The following PRELID2 variants were observed in gnomAD, a reference collection of about 807,000 sequenced individuals.
PRELID2 encodes the protein PRELI domain-containing protein 2.
PRELID2 carries 25 observed loss-of-function variants against 28.4 expected under a neutral mutation model. The ratio of observed to expected loss-of-function variants is 0.88; its 90% confidence interval spans 0.64 to 1.23. PRELID2 has a LOEUF of 1.23. Among genes scored for constraint, PRELID2 ranks in the 50% most tolerant of loss-of-function variants. The probability of loss-of-function intolerance (pLI) is 0.00; values close to 1 mark genes in which losing one functional copy is unlikely to be tolerated. For missense variants in PRELID2, 201 were observed against 214.4 expected (o/e 0.94, Z 0.39); for synonymous variants, 76 against 71.6 (o/e 1.06, Z -0.31).
chr5:145,413,705 C>T, the PRELID2 span, among the ~76,000 whole-genome samples: 1 of 151,884 alleles, frequency 6.6e-6, no homozygotes, highest in Non-Finnish European at 1.5e-5. Flanking sequence ...TCCCCCACCC[C>T]CTTCCCTCAG....
chr5:145,279,828 G>C, the PRELID2 span, among the ~76,000 whole-genome samples: 1 of 142,126 alleles, frequency 7.0e-6, no homozygotes, highest in Non-Finnish European at 1.5e-5. Flanking sequence ...TTTAGTTTTT[G>C]AGAAAAAAAA....
chr5:145,694,351 G>A (rs1422736617), intron 1 of PRELID2, among the ~76,000 whole-genome samples: 1 of 151,982 alleles, frequency 6.6e-6, no homozygotes, highest in Non-Finnish European at 1.5e-5. Flanking sequence ...CAGTCTTTAT[G>A]TTTATTTTTC....
intron 1 of PRELID2, chr5:145,728,487 C>T (rs1756241032): frequency 4.4e-6 from 3 of 674,930 alleles, no homozygotes; most frequent in Admixed American, 2.1e-5. Context: ...GTGTTCTCCC[C>T]TCCCAAAGCA....
intron 1 of PRELID2, among the ~76,000 whole-genome samples, chr5:145,634,109 C>T (rs1427369369): frequency 1.3e-5 from 2 of 152,202 alleles, no homozygotes; most frequent in Non-Finnish European, 2.9e-5. Context: ...CTCTTTCTTT[C>T]TTCCAGGGTG....
chr5:145,570,786 AAC>A (rs1753008809), intron 1 of PRELID2, among the ~76,000 whole-genome samples: 1 of 152,202 alleles, frequency 6.6e-6, no homozygotes, highest in African/African-American at 2.4e-5. Context: ...TTTTAAATGT[AAC>A]ACACAATTCT....
At chr5:145,391,453 C>T in the PRELID2 span, among the ~76,000 whole-genome samples, 4 of 152,166 alleles carry the variant, frequency 2.6e-5, no homozygotes, top group Non-Finnish European at 5.9e-5. Context: ...CAGAGAGGCC[C>T]GTGGCCTGGC....
chr5:145,676,277 C>A (rs1347195355), intron 1 of PRELID2, among the ~76,000 whole-genome samples: 2 of 150,932 alleles, frequency 1.3e-5, no homozygotes, highest in African/African-American at 2.4e-5. Flanking sequence ...CAGTGGCTCA[C>A]GCCTGTAATT....
intron 1 of PRELID2, among the ~76,000 whole-genome samples, chr5:145,611,137 A>T (rs1227793117): frequency 6.6e-6 from 1 of 151,916 alleles, no homozygotes; most frequent in Non-Finnish European, 1.5e-5. Flanking sequence ...GTACAGATAA[A>T]TTATTAGAAC....
chr5:145,379,364 C>T, the PRELID2 span, among the ~76,000 whole-genome samples: 2 of 152,154 alleles, frequency 1.3e-5, no homozygotes, highest in African/African-American at 4.8e-5. Context: ...GTATTCACCA[C>T]AATGGCAGAG....
intron 5 of PRELID2, among the ~76,000 whole-genome samples, chr5:145,787,683 G>T (rs181178411): frequency 2.0e-5 from 3 of 152,064 alleles, no homozygotes; most frequent in Admixed American, 2.0e-4. Context: ...GGGATTATAG[G>T]CATGCAACAA....
At chr5:145,308,196 C>T in the PRELID2 span, among the ~76,000 whole-genome samples, 2 of 152,116 alleles carry the variant, frequency 1.3e-5, no homozygotes, top group Admixed American at 6.5e-5. Context: ...CTGAGACAAG[C>T]GTAGAACCCA....
At chr5:145,515,781 G>C (rs1264602028) in intron 1 of PRELID2, among the ~76,000 whole-genome samples, 1 of 152,104 alleles carries the variant, frequency 6.6e-6, no homozygotes, top group East Asian at 1.9e-4. Flanking sequence ...ACATCAAGAA[G>C]CTTATCCACC....
intron 1 of PRELID2, chr5:145,728,679 A>T: frequency 1.9e-6 from 3 of 1,542,026 alleles, no homozygotes; most frequent in Non-Finnish European, 2.7e-6. Flanking sequence ...ATAGTTGATG[A>T]CCACTGATTT....
intron 1 of PRELID2, among the ~76,000 whole-genome samples, chr5:145,565,683 A>G (rs962525288): frequency 6.6e-6 from 1 of 152,250 alleles, no homozygotes; most frequent in Non-Finnish European, 1.5e-5. Flanking sequence ...ACTTAACTGA[A>G]AACTCCAGTA....
intron 5 of PRELID2, among the ~76,000 whole-genome samples, chr5:145,790,998 A>G (rs1261733226): frequency 1.3e-5 from 2 of 151,846 alleles, no homozygotes; most frequent in African/African-American, 4.8e-5. Context: ...AAAAGGCAGA[A>G]GCAACCCAAC....
intron 5 of PRELID2, among the ~76,000 whole-genome samples, chr5:145,776,196 T>TTTA (rs1758398739): frequency 6.6e-6 from 1 of 152,244 alleles, no homozygotes; most frequent in Non-Finnish European, 1.5e-5. Context: ...TTCTGAGACG[T>TTTA]GTGATGAAAT....
intron 1 of PRELID2, among the ~76,000 whole-genome samples, chr5:145,535,684 C>A (rs987739199): frequency 6.6e-6 from 1 of 151,764 alleles, no homozygotes; most frequent in Non-Finnish European, 1.5e-5. Context: ...TTCTGCAGAT[C>A]CCGTTTTGGC....
At chr5:145,677,040 G>A (rs79416780) in intron 1 of PRELID2, among the ~76,000 whole-genome samples, 1 of 151,568 alleles carries the variant, frequency 6.6e-6, no homozygotes, top group Non-Finnish European at 1.5e-5. Flanking sequence ...TGTAGCAGCT[G>A]AGAAAATTTT....
chr5:145,383,355 C>T, the PRELID2 span, among the ~76,000 whole-genome samples: 11,798 of 150,434 alleles, frequency 0.078, 604 homozygotes, highest in South Asian at 0.18. Context: ...CACATACACA[C>T]GTCCATATAT....
Sources: allele counts gnomAD v4.1 joint callset (sites outside exome capture counted in the v4.1 genomes callset), GRCh38; gene constraint gnomAD v4.1.1; transcripts MANE v1.5; gene names NCBI Gene and HGNC (gene_info 2026-07-23, HGNC 2026-07-21).